TOM1L1: variants seen among roughly 807,000 people sequenced by gnomAD.
TOM1L1 encodes TOM1-like protein 1.
TOM1L1 carries 64 observed loss-of-function variants against 63.4 expected under a neutral mutation model. The ratio of observed to expected loss-of-function variants is 1.01; its 90% CI spans 0.83 to 1.24. TOM1L1 has a LOEUF of 1.24. TOM1L1 is among the 50% of genes most tolerant of loss of function. The pLI is 0.00. For missense variants in TOM1L1, 536 were observed against 567.0 expected (o/e 0.95, Z 0.55); for synonymous variants, 166 against 194.4 (o/e 0.85, Z 1.22).
chr17:54,960,906 C>T (rs1032715473), intron 15 of TOM1L1, among the ~76,000 whole-genome samples: 1 of 152,176 alleles, frequency 6.6e-6, no homozygotes, highest in Non-Finnish European at 1.5e-5. Context: ...ATAGGAGTAG[C>T]ACTGAAATCA....
intron 12 of TOM1L1, among the ~76,000 whole-genome samples, chr17:54,948,224 T>C (rs2049151906): frequency 6.6e-6 from 1 of 152,164 alleles, no homozygotes; most frequent in Non-Finnish European, 1.5e-5. Flanking sequence ...TTTGCCTCCC[T>C]TCGCATCCCT....
chr17:54,934,136 A>G (rs1206459390), intron 8 of TOM1L1, among the ~76,000 whole-genome samples: 1 of 152,220 alleles, frequency 6.6e-6, no homozygotes, highest in Admixed American at 6.5e-5. Flanking sequence ...TCCTGTACTT[A>G]TGAAGATAAG....
chr17:54,961,433 A>C lies in TOM1L1; in HGVS notation c.*200A>C, dbSNP rs1476029929. Reference sequence around the variant, plus strand: ...TTCCTGACAACAGCGTGAGATTTCAACAGAACTTGTTTGGAACAAATACTC... The same window carrying C: ...TTCCTGACAACAGCGTGAGATTTCACCAGAACTTGTTTGGAACAAATACTC... On this transcript the variant is annotated 3_prime_UTR_variant, in exon 16 of 16. Coordinates refer to ENST00000575882, the MANE Select transcript of TOM1L1 (RefSeq NM_005486.3). The C allele has an allele frequency of 6.6e-7, 1 of 1,511,086 alleles. No homozygotes were observed. Among genetic ancestry groups the C allele is most frequent in the Non-Finnish European group, 8.8e-7 (1 of 1,130,274 alleles). 93.6% of individuals were successfully genotyped at this position (1,511,086 alleles called of 1,614,324 possible).
At chr17:54,908,843 G>A (rs1375658845) in intron 3 of TOM1L1, among the ~76,000 whole-genome samples, 1 of 152,170 alleles carries the variant, frequency 6.6e-6, no homozygotes, top group Non-Finnish European at 1.5e-5. Context: ...TAGTTAATAG[G>A]CCTTTGTGGA....
intron 14 of TOM1L1, chr17:54,953,829 C>T (rs530972077): frequency 1.3e-5 from 2 of 152,304 alleles, no homozygotes; most frequent in South Asian, 4.2e-4. Flanking sequence ...AGAGTTTTCT[C>T]TGAATATCTG....
At chr17:54,932,430 C>T (rs556780433) in intron 8 of TOM1L1, among the ~76,000 whole-genome samples, 2 of 152,178 alleles carry the variant, frequency 1.3e-5, no homozygotes, top group South Asian at 2.1e-4. Context: ...GGTGTGGCGC[C>T]GGGCTGTCTG....
intron 3 of TOM1L1, 34 bp downstream of exon 3, chr17:54,905,601 G>A (rs750268063): frequency 7.6e-7 from 1 of 1,318,360 alleles, no homozygotes; most frequent in Non-Finnish European, 1.1e-6. Flanking sequence ...AAGACTCGAG[G>A]ATTTCTCAAG....
chr17:54,937,323 A>C, intron 10 of TOM1L1, 97 bp downstream of exon 10: 1 of 993,228 alleles, frequency 1.0e-6, no homozygotes, highest in East Asian at 2.4e-5. Flanking sequence ...AGAAGGACTG[A>C]AGTCAGGTTG....
chr17:54,937,173 C>G lies in TOM1L1; in HGVS notation c.980C>G (p.Pro327Arg). The G allele has an allele frequency of 1.9e-6, 3 of 1,613,988 alleles. No homozygotes were observed. The highest frequency in any genetic ancestry group is 2.5e-6 in the Non-Finnish European group (3 of 1,180,016). Residue 327 changes from proline (P) to arginine (R), a missense_variant, in exon 10 of 16, where the codon CCT becomes CGT. Pro to Arg is a moderately radical substitution (Grantham distance 103). Coordinates refer to ENST00000575882, the MANE Select transcript of TOM1L1 (RefSeq NM_005486.3). ...LLDLSPSPRM[P>R]RATLGELNTM... ...GACCTAAGTCCCAGTCCCCGGATGCCTAGGGCCACTCTGGGAGAACTCAAC... is the reference window on the plus strand; with the variant it reads ...GACCTAAGTCCCAGTCCCCGGATGCGTAGGGCCACTCTGGGAGAACTCAAC...
At chr17:54,943,700 C>T (rs144270426) in intron 11 of TOM1L1, among the ~76,000 whole-genome samples, 77 of 152,074 alleles carry the variant, frequency 5.1e-4, no homozygotes, top group Middle Eastern at 3.4e-3. Flanking sequence ...AAACCTGGGC[C>T]GGGCGCAGTG....
intron 6 of TOM1L1, among the ~76,000 whole-genome samples, chr17:54,915,297 G>A (rs917706432): frequency 2.0e-5 from 3 of 152,054 alleles, no homozygotes; most frequent in Admixed American, 6.6e-5. Flanking sequence ...ATTTAATACA[G>A]GAAGAAAAGG....
intron 3 of TOM1L1, among the ~76,000 whole-genome samples, chr17:54,908,742 G>T (rs537277015): frequency 6.6e-6 from 1 of 152,212 alleles, no homozygotes; most frequent in South Asian, 2.1e-4. Flanking sequence ...AGAGTATTCT[G>T]TTCTTGAATG....
chr17:54,930,390 TAG>T lies in TOM1L1; in HGVS notation c.854+187_854+188del. On this transcript the variant is annotated intron_variant, in intron 8 of 15. Coordinates refer to ENST00000575882, the MANE Select transcript of TOM1L1 (RefSeq NM_005486.3). The stretch of plus-strand genomic sequence containing the variant: ...TGTACAGCTCCTACTCAGTAAATGC[TAG>T]AGGTCTTTCTCCTAGTTAAAGTGAC... The T allele has an allele frequency of 1.3e-5, 9 of 667,764 alleles. No individual in the cohort carries two copies. In the South Asian group the frequency reaches 1.8e-4, roughly 14 times the overall value. The allele number at this position is 667,764 out of a possible 1,614,324, so 41.4% of individuals were successfully genotyped here.
intron 14 of TOM1L1, among the ~76,000 whole-genome samples, chr17:54,958,991 GAT>G (rs1004695321): frequency 1.8e-4 from 28 of 151,956 alleles, no homozygotes; most frequent in African/African-American, 6.8e-4. Flanking sequence ...TACAAATGAA[GAT>G]AAACTTGAAG....
At chr17:54,949,098 C>CATAT (rs1283593904) in intron 12 of TOM1L1, among the ~76,000 whole-genome samples, 2 of 151,948 alleles carry the variant, frequency 1.3e-5, no homozygotes, top group Non-Finnish European at 2.9e-5. Context: ...ATAGCATGAT[C>CATAT]ATATGATCAT....
chr17:54,960,630 A>G lies in TOM1L1; in HGVS notation c.*1+3A>G. 1 of 1,601,090 alleles carries G rather than the reference A, an allele frequency of 6.2e-7. No individual in the cohort carries two copies. The highest frequency in any genetic ancestry group is 8.6e-7 in the Non-Finnish European group (1 of 1,168,866). ...AGCTCAAAATGATGGTGACTGAGGTAAAGACTTCAACTTATACAACTTAAT... is the reference window on the plus strand; with the variant it reads ...AGCTCAAAATGATGGTGACTGAGGTGAAGACTTCAACTTATACAACTTAAT... On this transcript the variant is annotated splice_donor_region_variant and intron_variant, in intron 15 of 15. Coordinates refer to ENST00000575882, the MANE Select transcript of TOM1L1 (RefSeq NM_005486.3).
intron 14 of TOM1L1, chr17:54,957,253 T>C: frequency 6.6e-6 from 1 of 152,230 alleles, no homozygotes; most frequent in East Asian, 1.9e-4. Flanking sequence ...TTGACTTAAT[T>C]TATGAGCAGA....
chr17:54,916,363 T>G (rs2048589095), intron 7 of TOM1L1: 1 of 154,536 alleles, frequency 6.5e-6, no homozygotes, highest in Non-Finnish European at 1.4e-5. Flanking sequence ...GATGTGAGGT[T>G]TTTAAGAATG....
At chr17:54,932,308 A>G (rs558984763) in intron 8 of TOM1L1, among the ~76,000 whole-genome samples, 7 of 152,178 alleles carry the variant, frequency 4.6e-5, no homozygotes, top group South Asian at 2.1e-4. Flanking sequence ...TGGTAATTAG[A>G]TCGGAACAAA....
Sources: gnomAD v4.1 joint callset for allele counts (sites outside exome capture counted in the v4.1 genomes callset) on GRCh38, gnomAD v4.1.1 for gene constraint, MANE v1.5 for transcripts, NCBI Gene and HGNC (gene_info 2026-07-23, HGNC 2026-07-21) for gene names.